ZFHX2: variants seen among roughly 807,000 people sequenced by gnomAD.
ZFHX2 encodes the protein zinc finger homeobox protein 2.
A neutral mutation model predicts 164.8 loss-of-function variants in ZFHX2; 75 were observed. That is an observed-to-expected ratio of 0.46 (90% CI 0.38 to 0.55). The LOEUF is 0.55. Ranked by LOEUF, ZFHX2 falls within the 20% of genes least tolerant of loss-of-function variation. The probability of loss-of-function intolerance (pLI) is 0.00; values close to 1 mark genes in which losing one functional copy is unlikely to be tolerated. For synonymous variants in ZFHX2, 1,217 were observed against 1,351.4 expected, an observed-to-expected ratio of 0.90 and a Z score of 2.18; for missense variants, 2,933 against 3,308.0, an observed-to-expected ratio of 0.89 and a Z score of 2.78.
At chr14:23,529,673 C>A in intron 6 of ZFHX2, 37 bp downstream of exon 6, 1 of 1,524,402 alleles carries the variant, frequency 6.6e-7, no homozygotes. Context: ...AAAGCCAGGC[C>A]CCCACTTCAG....
At chr14:23,555,918 T>A (rs1420383771), upstream of ZFHX2, 2 of 152,224 alleles carry the variant, frequency 1.3e-5, no homozygotes, top group African/African-American at 4.8e-5. Flanking sequence ...AGGCACCAAG[T>A]GCAGCTTTCC....
In ZFHX2 at chr14:23,527,054, T is replaced by G. The variant is rs965049982; in HGVS notation, c.3136-81A>C. 4.3e-6 allele frequency: 6 copies of G among 1,411,226 alleles called. No homozygotes were observed. The South Asian group carries it at 9.8e-5, about 23-fold the overall frequency. 87.4% of individuals were successfully genotyped at this position (1,411,226 alleles called of 1,614,324 possible). ...ACTCCTGACCCATCTGCCCTACACC[T>G]GTACTTGTGCCGAGATCCCTTGCCA... On this transcript the variant is annotated intron_variant, in intron 7 of 9. Transcript: ENST00000419474.
intron 1 of ZFHX2, among the ~76,000 whole-genome samples, chr14:23,544,815 C>A (rs1881212182): frequency 6.6e-6 from 1 of 152,180 alleles, no homozygotes; most frequent in Non-Finnish European, 1.5e-5. Flanking sequence ...GCAGCCCTGG[C>A]CACGTTCTTT....
chr14:23,550,201 C>G (rs1337721234), intron 1 of ZFHX2, among the ~76,000 whole-genome samples: 1 of 152,206 alleles, frequency 6.6e-6, no homozygotes, highest in Non-Finnish European at 1.5e-5. Flanking sequence ...CTAGGAAGTT[C>G]CAAAGCTTCT....
intron 1 of ZFHX2, among the ~76,000 whole-genome samples, chr14:23,539,989 GTTGT>G (rs371012354): frequency 5.5e-4 from 84 of 152,276 alleles, no homozygotes; most frequent in African/African-American, 1.9e-3. Context: ...CTTCCAAACA[GTTGT>G]TTTTCATTTT....
chr14:23,525,548 G>T lies in ZFHX2; in HGVS notation c.4394C>A (p.Pro1465His), dbSNP rs1426501311. Residue 1465 changes from proline to histidine, a missense_variant, in exon 9 of 10, where the codon CCC becomes CAC. Physicochemically the swap from Pro to His is moderately conservative, Grantham distance 77 (BLOSUM62 -2). Coordinates refer to ENST00000419474, the MANE Select transcript of ZFHX2 (RefSeq NM_033400.3). This position sits in a 1 kb window ranked among gnomAD's most constrained non-coding sequence, Gnocchi z 5.9. Reference protein sequence around the residue: ...YNEGKQAVPPPPTPPPPEALG... With the variant: ...YNEGKQAVPPHPTPPPPEALG... ...GGCCTCAGGTGGGGGTGGGGTAGGG[G>T]GAGGGGGCACAGCTTGCTTCCCTTC... 1 of 1,535,302 alleles carries T rather than the reference G, an allele frequency of 6.5e-7. No homozygotes were observed. Among genetic ancestry groups the T allele is most frequent in the Non-Finnish European group, 8.7e-7 (1 of 1,146,900 alleles).
In ZFHX2 at chr14:23,535,558, CTCT is replaced by C. The variant is rs1379293729; in HGVS notation, c.-49-187_-49-185del. On this transcript the variant is annotated intron_variant, in intron 1 of 9. Transcript: ENST00000419474. This position sits in a 1 kb window ranked among gnomAD's most constrained non-coding sequence, Gnocchi z 4.5. ...AAACTTAATATGTCCAACATCAGAA[CTCT>C]TCATTTTATTTATTTTATTTTATTT... 6.6e-6 allele frequency among the ~76,000 whole-genome samples: 1 copy of C among 151,792 alleles called. No homozygotes were observed. Among genetic ancestry groups the C allele is most frequent in the Non-Finnish European group, 1.5e-5 (1 of 67,950 alleles).
intron 5 of ZFHX2, 35 bp from the exon 6 acceptor site, chr14:23,529,803 G>C (rs1007071368): frequency 1.7e-5 from 26 of 1,528,630 alleles, no homozygotes; most frequent in Non-Finnish European, 2.1e-5. Flanking sequence ...AAGGAACCCT[G>C]ACAGCCCTCA....
chr14:23,522,544 C>T lies in ZFHX2; in HGVS notation c.7137G>A (p.Lys2379=), dbSNP rs1215685126. The change falls in exon 10 of 10, where the codon AAG becomes AAA. Residue 2379 remains lysine, a synonymous_variant. Coordinates refer to ENST00000419474, the MANE Select transcript of ZFHX2 (RefSeq NM_033400.3). ...AYFQQLYGMK[K]GLFPMNPMIP... ...TCATGGGGTTCATGGGAAATAGCCC[C>T]TTCTTCATGCCATAGAGCTGTTGGA... 4 of 1,527,172 alleles carry T rather than the reference C, an allele frequency of 2.6e-6. No individual in the cohort carries two copies. Among genetic ancestry groups the T allele is most frequent in the East Asian group, 4.9e-5 (2 of 40,786 alleles). The allele number at this position is 1,527,172 out of a possible 1,614,324, so 94.6% of individuals were successfully genotyped here. A position where few individuals can be genotyped will look rare whatever the true frequency, so the allele number is the denominator to read the frequency against.
chr14:23,524,389 C>T lies in ZFHX2; in HGVS notation c.5553G>A (p.Glu1851=), dbSNP rs1202782958. The T allele has an allele frequency of 6.5e-7, 1 of 1,536,218 alleles. No homozygotes were observed. Among genetic ancestry groups the T allele is most frequent in the South Asian group, 1.2e-5 (1 of 84,066 alleles). ...PTGSEAGGGG[E]GEPPRDKRLR... ...GGCGCTTGTCCCTGGGGGGCTCGCC[C>T]TCCCCTCCTCCCCCTGCTTCACTGC... Residue 1851 remains glutamate, a synonymous_variant, in exon 9 of 10, where the codon GAG becomes GAA. Transcript: ENST00000419474. This position sits in a 1 kb window ranked among gnomAD's most constrained non-coding sequence, Gnocchi z 5.6.
At chr14:23,528,369 T>A (rs1189129955) in intron 6 of ZFHX2, among the ~76,000 whole-genome samples, 1 of 152,142 alleles carries the variant, frequency 6.6e-6, no homozygotes, top group African/African-American at 2.4e-5. Flanking sequence ...TGTCTGGCCC[T>A]CTTCCACCAT....
intron 1 of ZFHX2, among the ~76,000 whole-genome samples, chr14:23,544,729 T>A (rs1881201340): frequency 6.6e-6 from 1 of 152,248 alleles, no homozygotes; most frequent in Non-Finnish European, 1.5e-5. Context: ...CTGCCTCTAA[T>A]GGCGCTAACC....
At chr14:23,543,890 A>C (rs1281875216) in intron 1 of ZFHX2, 1 of 152,138 alleles carries the variant, frequency 6.6e-6, no homozygotes, top group African/African-American at 2.4e-5. Context: ...CCTGGAATCA[A>C]ATTCTAGTTC....
At chr14:23,542,639 G>A (rs1188604651) in intron 1 of ZFHX2, among the ~76,000 whole-genome samples, 1 of 152,132 alleles carries the variant, frequency 6.6e-6, no homozygotes, top group Non-Finnish European at 1.5e-5. Context: ...TTCTGTATGA[G>A]CACTCAGGGA....
At chr14:23,544,689 CCTAATGAGTGTGATCTCGTTACACT>C (rs1881193508) in intron 1 of ZFHX2, among the ~76,000 whole-genome samples, 1 of 152,170 alleles carries the variant, frequency 6.6e-6, no homozygotes. Context: ...ATGGCCCAGC[CCTAATGAGTGTGATCTCGTTACACT>C]CTCGCTGCCT....
rs180753967 is a variant in ZFHX2, at chr14:23,543,247, A to C, written c.-49-7873T>G. 2.0e-5 allele frequency: 3 copies of C among 152,378 alleles called. No homozygotes were observed. In the East Asian group the frequency reaches 5.8e-4, roughly 29 times the overall value. The allele number at this position is 152,378 out of a possible 1,614,324, so 9.4% of individuals were successfully genotyped here. ...CTAATCCTCCACTTCAATCTGATGC[A>C]ATAGATGTAGCTATTCATTCCTATT... On this transcript the variant is annotated intron_variant, in intron 1 of 9. Coordinates refer to ENST00000419474, the MANE Select transcript of ZFHX2 (RefSeq NM_033400.3).
Position 23,522,333 on chromosome 14 carries a change from G to T in ZFHX2, c.7348C>A (p.Arg2450Ser). 1 of 1,533,684 alleles carries T rather than the reference G, an allele frequency of 6.5e-7. No individual in the cohort carries two copies. Among genetic ancestry groups the T allele is most frequent in the Non-Finnish European group, 8.7e-7 (1 of 1,145,452 alleles). Reference protein sequence around the residue: ...TGISTVDVTHRYLCRQCKMAF... With the variant: ...TGISTVDVTHSYLCRQCKMAF... ...ATCTTGCACTGGCGGCACAGGTAGC[G>T]ATGGGTTACATCCACGGTGGAGATG... Residue 2450 changes from arginine (R) to serine (S), a missense_variant, in exon 10 of 10, where the codon CGC becomes AGC. Coordinates refer to ENST00000419474, the MANE Select transcript of ZFHX2 (RefSeq NM_033400.3).
rs1880067713 is a variant in ZFHX2 at position 23,535,751 on chromosome 14, CCTGA to C, written c.-49-381_-49-378del. On this transcript the variant is annotated intron_variant, in intron 1 of 9. Transcript: ENST00000419474. This position sits in a 1 kb window ranked among gnomAD's most constrained non-coding sequence, Gnocchi z 4.5. ...GGGATTACAGGCTTGTGCCACCACA[CCTGA>C]CTAATTTTGTATTTTTAGTAGAGAC... Among the ~76,000 whole-genome samples the C allele has an allele frequency of 6.6e-6, 1 of 152,014 alleles. No homozygotes were observed. Among genetic ancestry groups the C allele is most frequent in the Non-Finnish European group, 1.5e-5 (1 of 68,010 alleles).
rs909271836 is a variant in ZFHX2, at chr14:23,521,814, G to C, written c.*148C>G. Reference sequence around the variant, plus strand: ...GACTCTGCTGGAAGTGGGGTGTGTGGTGCCCACTGAGGGTGGGAACTGAAC... The same window carrying C: ...GACTCTGCTGGAAGTGGGGTGTGTGCTGCCCACTGAGGGTGGGAACTGAAC... On this transcript the variant is annotated 3_prime_UTR_variant, in exon 10 of 10. Transcript: ENST00000419474. 9 of 1,363,958 alleles carry C rather than the reference G, an allele frequency of 6.6e-6. No individual in the cohort carries two copies. The highest frequency in any genetic ancestry group is 7.7e-6 in the Non-Finnish European group (8 of 1,032,682). 84.5% of individuals were successfully genotyped at this position (1,363,958 alleles called of 1,614,324 possible).
Sources: allele counts gnomAD v4.1 joint callset (sites outside exome capture counted in the v4.1 genomes callset), GRCh38; gene constraint gnomAD v4.1.1; non-coding constraint Gnocchi (gnomAD v3.1); transcripts MANE v1.5; gene names NCBI Gene and HGNC (gene_info 2026-07-23, HGNC 2026-07-21).